The following BNC2 variants were observed in gnomAD, a reference collection of about 807,000 sequenced individuals.
The protein encoded by BNC2 is zinc finger protein basonuclin-2.
In BNC2, 20 loss-of-function variants were observed where a neutral mutation model predicts 76.3. The ratio of observed to expected loss-of-function variants is 0.26; its 90% CI spans 0.18 to 0.38. The LOEUF is 0.38. Among genes scored for constraint, BNC2 ranks in the 10% least tolerant of loss-of-function variants. BNC2 has a pLI of 1.00. For missense variants in BNC2, 1,382 were observed against 1,399.8 expected, an observed-to-expected ratio of 0.99 and a Z score of 0.20; for synonymous variants, 582 against 514.8, an observed-to-expected ratio of 1.13 and a Z score of -1.77.
intron 1 of BNC2, among the ~76,000 whole-genome samples, chr9:16,844,720 G>A (rs939731259): frequency 3.3e-5 from 5 of 151,924 alleles, no homozygotes. Context: ...GCTGGTCTCG[G>A]ACTCCTTACC....
intron 3 of BNC2, among the ~76,000 whole-genome samples, chr9:16,615,649 T>C (rs1587238117): frequency 1.3e-5 from 2 of 152,326 alleles, no homozygotes; most frequent in South Asian, 4.1e-4. Context: ...CATTCAGCTT[T>C]AATTGTTTCC....
At chr9:16,773,518 A>G (rs578245886) in intron 1 of BNC2, among the ~76,000 whole-genome samples, 68 of 152,178 alleles carry the variant, frequency 4.5e-4, no homozygotes, top group African/African-American at 1.6e-3. Flanking sequence ...ATCAGAAAAA[A>G]AAAAAAAAAA....
intron 3 of BNC2, among the ~76,000 whole-genome samples, chr9:16,690,128 G>C (rs1823112567): frequency 6.6e-6 from 1 of 152,092 alleles, no homozygotes; most frequent in Admixed American, 6.6e-5. Flanking sequence ...AGACTCAGAA[G>C]GACCAAGAAT....
chr9:16,798,149 A>G (rs1817700633), intron 1 of BNC2, among the ~76,000 whole-genome samples: 1 of 152,172 alleles, frequency 6.6e-6, no homozygotes, highest in African/African-American at 2.4e-5. Flanking sequence ...ATTTCTGCCA[A>G]GTAATTAGGA....
chr9:16,726,340 C>T (rs761041485), intron 3 of BNC2, among the ~76,000 whole-genome samples: 2 of 152,060 alleles, frequency 1.3e-5, no homozygotes, highest in African/African-American at 4.8e-5. Context: ...CAAAATATAC[C>T]TTATTCAAAT....
chr9:16,448,052 C>T (rs532649172), intron 5 of BNC2, among the ~76,000 whole-genome samples: 4 of 152,172 alleles, frequency 2.6e-5, no homozygotes, highest in Admixed American at 2.0e-4. Flanking sequence ...GTCCCTGCAG[C>T]GGCCTTGTTT....
chr9:16,490,136 T>C (rs1244311927), intron 5 of BNC2, among the ~76,000 whole-genome samples: 1 of 152,192 alleles, frequency 6.6e-6, no homozygotes, highest in Admixed American at 6.5e-5. Flanking sequence ...ACTGTATTAG[T>C]CCATTTTCAT....
chr9:16,841,144 T>C (rs139381535), intron 1 of BNC2, among the ~76,000 whole-genome samples: 2,497 of 152,268 alleles, frequency 0.016, 66 homozygotes, highest in African/African-American at 0.057. Flanking sequence ...AAACAACACA[T>C]AAGCAAATCT....
At chr9:16,722,417 G>A (rs956537352) in intron 3 of BNC2, among the ~76,000 whole-genome samples, 3 of 152,178 alleles carry the variant, frequency 2.0e-5, no homozygotes, top group Admixed American at 2.0e-4. Context: ...ATAAAGCTAT[G>A]CATGAATAAT....
At chr9:16,487,438 A>T (rs1029130151) in intron 5 of BNC2, among the ~76,000 whole-genome samples, 17 of 152,262 alleles carry the variant, frequency 1.1e-4, no homozygotes, top group Non-Finnish European at 1.0e-4. Context: ...ACGGAGAGCC[A>T]TAACTTTGAG....
chr9:16,870,541 C>G (rs1326035096), intron 1 of BNC2, 105 bp downstream of exon 1: 1 of 1,365,912 alleles, frequency 7.3e-7, no homozygotes, highest in Admixed American at 2.1e-5. Flanking sequence ...CGCCGCGGGC[C>G]GGAGGGCGGA....
chr9:16,766,702 T>A (rs1280058065), intron 1 of BNC2, among the ~76,000 whole-genome samples: 1 of 152,236 alleles, frequency 6.6e-6, no homozygotes, highest in Non-Finnish European at 1.5e-5. Context: ...CTTTTAAACA[T>A]CTTCTACTTT....
chr9:16,689,645 T>TA lies in BNC2; in HGVS notation c.330+38151dup, dbSNP rs947982921. On this transcript the variant is annotated intron_variant, in intron 3 of 6. Transcript: ENST00000380672. ...AAAAGAATGATATACAATGTAAGTT[T>TA]AAAAAAAAAAAAAGAGGGAGAGAGA... Among the ~76,000 whole-genome samples the TA allele has an allele frequency of 2.0e-3, 289 of 141,094 alleles. 1 individual carries two copies. The highest frequency in any genetic ancestry group is 4.4e-3 in the African/African-American group (168 of 38,412). The allele number at this position is 141,094 out of a possible 152,430, so 92.6% of individuals were successfully genotyped here. A position where few individuals can be genotyped will look rare whatever the true frequency, so the allele number is the denominator to read the frequency against.
At chr9:16,622,176 A>T (rs1240601907) in intron 3 of BNC2, among the ~76,000 whole-genome samples, 1 of 152,176 alleles carries the variant, frequency 6.6e-6, no homozygotes, top group Non-Finnish European at 1.5e-5. Flanking sequence ...ATAAAATTTT[A>T]TCTAGTTACT....
chr9:16,634,501 TC>T (rs1166262816), intron 3 of BNC2, among the ~76,000 whole-genome samples: 2 of 116,424 alleles, frequency 1.7e-5, no homozygotes, highest in African/African-American at 8.5e-5. Flanking sequence ...CCTTCAAATA[TC>T]TTTTTTTTTT....
intron 1 of BNC2, among the ~76,000 whole-genome samples, chr9:16,761,554 T>C (rs1465734234): frequency 6.6e-6 from 1 of 152,200 alleles, no homozygotes; most frequent in Non-Finnish European, 1.5e-5. Flanking sequence ...TGTTAGACTC[T>C]TATGCTTTTG....
At chr9:16,455,963 T>C (rs1363032713) in intron 5 of BNC2, among the ~76,000 whole-genome samples, 8 of 152,202 alleles carry the variant, frequency 5.3e-5, no homozygotes, top group Admixed American at 3.3e-4. Flanking sequence ...TTATAATTAG[T>C]GAATTGCTTC....
chr9:16,820,000 C>T (rs1436596885), intron 1 of BNC2, among the ~76,000 whole-genome samples: 1 of 151,116 alleles, frequency 6.6e-6, no homozygotes, highest in Non-Finnish European at 1.5e-5. Flanking sequence ...TGGTGGGTGC[C>T]TGTAATCCCA....
At chr9:16,817,412 T>C (rs1255562600) in intron 1 of BNC2, among the ~76,000 whole-genome samples, 1 of 152,210 alleles carries the variant, frequency 6.6e-6, no homozygotes, top group African/African-American at 2.4e-5. Context: ...CAATTAATCA[T>C]TTCTTATACT....
Sources: allele counts gnomAD v4.1 joint callset (sites outside exome capture counted in the v4.1 genomes callset), GRCh38; gene constraint gnomAD v4.1.1; transcripts MANE v1.5; gene names NCBI Gene and HGNC (gene_info 2026-07-23, HGNC 2026-07-21).